DPY19L1: variants seen among roughly 807,000 people sequenced by gnomAD.
The protein encoded by DPY19L1 is protein C-mannosyl-transferase DPY19L1.
Under a neutral mutation model 96.9 loss-of-function variants are expected in DPY19L1, and 35 were observed. The ratio of observed to expected loss-of-function variants is 0.36; its 90% CI spans 0.28 to 0.48. The LOEUF is 0.48. DPY19L1 is among the 20% of genes least tolerant of loss of function. The pLI, the probability that DPY19L1 is intolerant of heterozygous loss-of-function variation, is 0.99. For synonymous variants in DPY19L1, 205 were observed against 252.6 expected, an observed-to-expected ratio of 0.81 and a Z score of 1.79; for missense variants, 521 against 777.9, an observed-to-expected ratio of 0.67 and a Z score of 3.93.
intron 20 of DPY19L1, 141 bp downstream of exon 20, chr7:34,939,135 T>G: frequency 1.4e-6 from 1 of 701,286 alleles, no homozygotes; most frequent in South Asian, 2.4e-5. Context: ...GCGGTCTTAT[T>G]TCAGCTTTCT....
At chr7:35,011,290 T>C in intron 5 of DPY19L1, 40 bp downstream of exon 5, 1 of 1,603,562 alleles carries the variant, frequency 6.2e-7, no homozygotes, top group South Asian at 1.1e-5. Context: ...TTTATTATGT[T>C]ACAACAGATA....
At chr7:34,956,223 A>G (rs1285214883) in intron 11 of DPY19L1, among the ~76,000 whole-genome samples, 3 of 152,238 alleles carry the variant, frequency 2.0e-5, no homozygotes, top group Non-Finnish European at 4.4e-5. Context: ...TTCCCTGTCC[A>G]TAGTACCAAG....
chr7:34,986,930 C>T (rs1335121539), intron 7 of DPY19L1, among the ~76,000 whole-genome samples: 1 of 151,908 alleles, frequency 6.6e-6, no homozygotes, highest in Non-Finnish European at 1.5e-5. Context: ...ATGTGTACAT[C>T]TTTATATATG....
intron 3 of DPY19L1, among the ~76,000 whole-genome samples, chr7:35,016,778 A>G (rs529624625): frequency 3.3e-5 from 5 of 152,244 alleles, no homozygotes; most frequent in Non-Finnish European, 5.9e-5. Context: ...TCTGATCCAT[A>G]AATGTTCAGG....
chr7:34,975,188 G>A (rs1784806371), intron 7 of DPY19L1, among the ~76,000 whole-genome samples: 1 of 152,226 alleles, frequency 6.6e-6, no homozygotes, highest in African/African-American at 2.4e-5. Context: ...TAAACTTAGA[G>A]AAGAAGGCAT....
chr7:34,975,937 C>T (rs1178044831), intron 7 of DPY19L1, among the ~76,000 whole-genome samples: 3 of 152,142 alleles, frequency 2.0e-5, no homozygotes, highest in African/African-American at 7.2e-5. Flanking sequence ...AATATTATTG[C>T]TCATTGACAG....
chr7:34,959,924 T>TAAAAATATATATA (rs1562806976), intron 10 of DPY19L1, among the ~76,000 whole-genome samples: 1 of 51,202 alleles, frequency 2.0e-5, no homozygotes, highest in Non-Finnish European at 3.3e-5. Flanking sequence ...TATATATATA[T>TAAAAATATATATA]TTATATATAT....
At chr7:34,958,951 C>T (rs1452832402) in intron 10 of DPY19L1, among the ~76,000 whole-genome samples, 1 of 152,074 alleles carries the variant, frequency 6.6e-6, no homozygotes, top group Non-Finnish European at 1.5e-5. Context: ...TTTTCCTTAA[C>T]AGCTCTCTTC....
In DPY19L1 at chr7:34,929,131, C is replaced by CGAAG. The variant is rs1487597748; in HGVS notation, c.*2441_*2442insCTTC. ...ATGTTGTAGCAATAGCTATTTTGAT[C>CGAAG]GCTTCTTTGCCCATCCTTACTTTCC... is the stretch of plus-strand genomic sequence containing the variant. On this transcript the variant is annotated 3_prime_UTR_variant, in exon 22 of 22. Transcript: ENST00000638088. 6.6e-6 allele frequency: 1 copy of CGAAG among 152,252 alleles called. No individual in the cohort carries two copies. Among genetic ancestry groups the CGAAG allele is most frequent in the African/African-American group, 2.4e-5 (1 of 41,538 alleles). 9.4% of individuals were successfully genotyped at this position (152,252 alleles called of 1,614,324 possible).
chr7:35,023,929 G>A (rs1265690840), intron 1 of DPY19L1, among the ~76,000 whole-genome samples: 7 of 140,822 alleles, frequency 5.0e-5, no homozygotes, highest in East Asian at 2.2e-4. Context: ...TCCGCCTCCC[G>A]GGTTCATGCC....
Position 34,993,053 on chromosome 7 carries a change from G to C in DPY19L1, c.765-3112C>G, listed in dbSNP as rs187148742. 4.9e-3 allele frequency among the ~76,000 whole-genome samples: 740 copies of C among 152,282 alleles called. 3 individuals are homozygous for C. The highest frequency in any genetic ancestry group is 0.017 in the African/African-American group (693 of 41,556). ...CTTGAATAAACGCTATTTAGATTCTGATCCTTTTGATTATTTTAAGTTAAC... is the reference window on the plus strand; with the variant it reads ...CTTGAATAAACGCTATTTAGATTCTCATCCTTTTGATTATTTTAAGTTAAC... On this transcript the variant is annotated intron_variant, in intron 6 of 21. Transcript: ENST00000638088.
At chr7:35,036,379 A>AAGTCAG (rs542354562) in intron 1 of DPY19L1, among the ~76,000 whole-genome samples, 131 of 152,288 alleles carry the variant, frequency 8.6e-4, no homozygotes, top group Non-Finnish European at 1.6e-3. Flanking sequence ...AGGAAACCTG[A>AAGTCAG]AGTCAGTCCG....
chr7:35,023,833 C>CTTTTTTTTTT (rs755619806), intron 1 of DPY19L1, among the ~76,000 whole-genome samples: 181 of 111,762 alleles, frequency 1.6e-3, no homozygotes, highest in Non-Finnish European at 1.9e-3. Context: ...CTTTTCTTTT[C>CTTTTTTTTTT]TTTTTTTTTT....
chr7:35,011,399 C>A lies in DPY19L1; in HGVS notation c.601G>T (p.Gly201Cys). The A allele has an allele frequency of 6.2e-7, 1 of 1,613,150 alleles. No individual in the cohort carries two copies. The highest frequency in any genetic ancestry group is 8.5e-7 in the Non-Finnish European group (1 of 1,179,616). ...RIYTKIMDLI[G>C]IQTKICWTVT... ...GTCCAACATATCTTGGTTTGAATAC[C>A]AATCAAGTCCATTATTTTGGTATAA... Residue 201 changes from glycine (G) to cysteine (C), a missense_variant, in exon 5 of 22, where the codon GGT becomes TGT. Transcript: ENST00000638088.
At position 34,937,912 on chromosome 7, in the gene DPY19L1, G is replaced by A. The variant is rs746300162; in HGVS notation, c.2090+82C>T. The stretch of plus-strand genomic sequence containing the variant: ...TACTTTATGTTATATACACACCCCC[G>A]CCACCAGCAAAGCATGTGCCATGTG... On this transcript the variant is annotated intron_variant, in intron 21 of 21. Coordinates refer to ENST00000638088, the MANE Select transcript of DPY19L1 (RefSeq NM_001366673.1). 1.3e-5 allele frequency: 19 copies of A among 1,449,774 alleles called. No individual in the cohort carries two copies. Among genetic ancestry groups the A allele is most frequent in the Admixed American group, 9.5e-5 (5 of 52,440 alleles). 89.8% of individuals were successfully genotyped at this position (1,449,774 alleles called of 1,614,324 possible).
At chr7:34,985,552 C>T (rs1785029013) in intron 7 of DPY19L1, among the ~76,000 whole-genome samples, 1 of 150,914 alleles carries the variant, frequency 6.6e-6, no homozygotes, top group African/African-American at 2.5e-5. Context: ...ATACAAATGG[C>T]CAACAGATAT....
chr7:34,975,806 G>A (rs1312980786), intron 7 of DPY19L1, among the ~76,000 whole-genome samples: 1 of 152,066 alleles, frequency 6.6e-6, no homozygotes, highest in Admixed American at 6.6e-5. Context: ...AATATACTCT[G>A]CACGTGATCT....
At chr7:35,020,599 A>G (rs1440097309) in intron 1 of DPY19L1, among the ~76,000 whole-genome samples, 5 of 152,172 alleles carry the variant, frequency 3.3e-5, no homozygotes, top group African/African-American at 1.2e-4. Flanking sequence ...GGATATTGTT[A>G]AGGCATTTAT....
At chr7:35,018,639 A>C in intron 1 of DPY19L1, 43 bp from the exon 2 acceptor site, 5 of 1,552,070 alleles carry the variant, frequency 3.2e-6, no homozygotes, top group Non-Finnish European at 4.4e-6. Flanking sequence ...TAGCATAAAC[A>C]TGTTCATCTT....
Sources: gnomAD v4.1 joint callset for allele counts (sites outside exome capture counted in the v4.1 genomes callset) on GRCh38, gnomAD v4.1.1 for gene constraint, MANE v1.5 for transcripts, NCBI Gene and HGNC (gene_info 2026-07-23, HGNC 2026-07-21) for gene names.